Variants in ERLEC1 observed in about 807,000 individuals in gnomAD.
ERLEC1 encodes the protein ER lectin.
Under a neutral mutation model 68.0 loss-of-function variants are expected in ERLEC1, and 47 were observed. That is an observed-to-expected ratio of 0.69 (90% CI 0.55 to 0.88). ERLEC1 has a LOEUF of 0.88. ERLEC1 is among the 40% of genes least tolerant of loss of function. The pLI, the probability that ERLEC1 is intolerant of heterozygous loss-of-function variation, is 0.00. For synonymous variants in ERLEC1, 225 were observed against 203.2 expected (o/e 1.11, Z -0.91); for missense variants, 567 against 583.8 (o/e 0.97, Z 0.30).
At chr2:53,788,837 A>C (rs540567771) in intron 1 of ERLEC1, 2 of 152,280 alleles carry the variant, frequency 1.3e-5, no homozygotes, top group African/African-American at 4.8e-5. Context: ...GAATACTTTA[A>C]TACCTGTTGT....
chr2:53,788,341 T>G (rs781530107), intron 1 of ERLEC1, among the ~76,000 whole-genome samples: 1 of 152,214 alleles, frequency 6.6e-6, no homozygotes, highest in African/African-American at 2.4e-5. Flanking sequence ...TATTACCACA[T>G]AGCTTTCTAT....
intron 1 of ERLEC1, among the ~76,000 whole-genome samples, chr2:53,789,625 C>G (rs188828964): frequency 6.6e-6 from 1 of 152,090 alleles, no homozygotes; most frequent in East Asian, 1.9e-4. Context: ...TGTCACAAGG[C>G]CTATGTCCTT....
chr2:53,796,387 A>G (rs931936645), intron 3 of ERLEC1, among the ~76,000 whole-genome samples: 1 of 151,606 alleles, frequency 6.6e-6, no homozygotes, highest in Non-Finnish European at 1.5e-5. Flanking sequence ...AACATACAGT[A>G]TTTGGTTCTC....
chr2:53,790,225 C>A (rs75194871), intron 1 of ERLEC1, among the ~76,000 whole-genome samples: 1 of 151,136 alleles, frequency 6.6e-6, no homozygotes, highest in African/African-American at 2.4e-5. Context: ...TCCCCAGTAG[C>A]TGGGATTGTA....
At chr2:53,794,194 T>C (rs960272012) in intron 1 of ERLEC1, 151 bp from the exon 2 acceptor site, 3 of 504,180 alleles carry the variant, frequency 6.0e-6, no homozygotes, top group Non-Finnish European at 1.1e-5. Context: ...TTTTTGTTAA[T>C]GTTTGTAGCA....
chr2:53,794,324 T>TAC lies in ERLEC1; in HGVS notation c.163-21_163-20insAC, dbSNP rs150343459. 3.9e-3 allele frequency: 4,321 copies of TAC among 1,113,422 alleles called. 131 individuals carry two copies. The African/African-American group carries it at 0.062, about 16-fold the overall frequency. The allele number at this position is 1,113,422 out of a possible 1,614,324, so 69.0% of individuals were successfully genotyped here. ...ACAATTTCACGGAGAACATAATGTATGTTTTTTCTTCTATTTGCAGCCCAC... is the reference window on the plus strand; with the variant it reads ...ACAATTTCACGGAGAACATAATGTATACGTTTTTTCTTCTATTTGCAGCCCAC... On this transcript the variant is annotated intron_variant, in intron 1 of 13. Coordinates refer to ENST00000185150, the MANE Select transcript of ERLEC1 (RefSeq NM_015701.5).
rs1427935528 is a variant in ERLEC1, at chr2:53,787,196, AAGC to A, written c.-14_-12del. ...AGGAGGTTGTGGCGGTGGCTGGAGA[AAGC>A]GGCGGCGGAGGATGGAGGAAGGAGG... On this transcript the variant is annotated 5_prime_UTR_variant, in exon 1 of 14. Transcript: ENST00000185150. The A allele has an allele frequency of 6.3e-7, 1 of 1,587,770 alleles. No homozygotes were observed.
At chr2:53,791,044 A>C (rs1675366183) in intron 1 of ERLEC1, among the ~76,000 whole-genome samples, 1 of 152,134 alleles carries the variant, frequency 6.6e-6, no homozygotes, top group South Asian at 2.1e-4. Flanking sequence ...TATTTGACCA[A>C]CTCCATGGTT....
chr2:53,794,890 T>C (rs976877316), intron 2 of ERLEC1, among the ~76,000 whole-genome samples: 15 of 152,034 alleles, frequency 9.9e-5, no homozygotes, highest in African/African-American at 3.4e-4. Context: ...CTTGACCTCA[T>C]GATCTGCCCA....
rs760123148 is a variant in ERLEC1, at chr2:53,818,017, A to G, written c.*48A>G. The G allele has an allele frequency of 5.1e-6, 6 of 1,187,484 alleles. No homozygotes were observed. Among genetic ancestry groups the G allele is most frequent in the South Asian group, 1.2e-5 (1 of 82,308 alleles). The allele number at this position is 1,187,484 out of a possible 1,614,324, so 73.6% of individuals were successfully genotyped here. ...GAAAAGATCATTGAAAGTCATGATA[A>G]TTTCTGTCCCACTGTGTCTCATTAT... On this transcript the variant is annotated 3_prime_UTR_variant, in exon 14 of 14. Coordinates refer to ENST00000185150, the MANE Select transcript of ERLEC1 (RefSeq NM_015701.5).
At position 53,787,521 on chromosome 2, in the gene ERLEC1, ATTCATTCGTTCG is replaced by A. The variant is rs1675117354; in HGVS notation, c.162+153_162+164del. 1.0e-5 allele frequency: 9 copies of A among 901,790 alleles called. No individual in the cohort carries two copies. The South Asian group carries it at 1.5e-4, about 15-fold the overall frequency. The allele number at this position is 901,790 out of a possible 1,614,324, so 55.9% of individuals were successfully genotyped here. ...CCAAAGCTGCTTTTATGCAGCGTTC[ATTCATTCGTTCG>A]TTCTCACGTTATGTGGATGCGTCCC... On this transcript the variant is annotated intron_variant, in intron 1 of 13. Transcript: ENST00000185150.
intron 13 of ERLEC1, 50 bp downstream of exon 13, chr2:53,814,985 A>ATTTT (rs747443760): frequency 5.2e-6 from 5 of 967,232 alleles, no homozygotes; most frequent in Admixed American, 5.7e-5. Context: ...CCATGTTTTA[A>ATTTT]TTTTTTTTTC....
At chr2:53,812,393 GC>G (rs1676637964) in intron 10 of ERLEC1, among the ~76,000 whole-genome samples, 3 of 152,144 alleles carry the variant, frequency 2.0e-5, no homozygotes, top group Admixed American at 2.0e-4. Flanking sequence ...AATAATAAAA[GC>G]AGAATGGGAA....
chr2:53,808,317 A>G lies in ERLEC1; in HGVS notation c.898A>G (p.Lys300Glu), dbSNP rs145292763. The part of the protein sequence containing the change: ...RNKEEDLQST[K>E]EERFPAIHKS... ...ATTTTAGGAAGATTTGCAATCAACTAAAGAAGAGAGATTTCCAGCGATCCA... is the reference window on the plus strand; with the variant it reads ...ATTTTAGGAAGATTTGCAATCAACTGAAGAAGAGAGATTTCCAGCGATCCA... Residue 300 changes from lysine to glutamate, a missense_variant, in exon 9 of 14, where the codon AAA becomes GAA. By Grantham distance (56) the Lys-to-Glu change is moderately conservative. Coordinates refer to ENST00000185150, the MANE Select transcript of ERLEC1 (RefSeq NM_015701.5). 5 of 1,613,966 alleles carry G rather than the reference A, an allele frequency of 3.1e-6. No individual in the cohort carries two copies. In the African/African-American group the frequency reaches 5.3e-5, roughly 17 times the overall value.
intron 1 of ERLEC1, 100 bp from the exon 2 acceptor site, chr2:53,794,245 A>C (rs1195026682): frequency 1.9e-6 from 1 of 526,244 alleles, no homozygotes; most frequent in Non-Finnish European, 3.3e-6. Context: ...TTGAAATGTT[A>C]AATTAGTTTA....
intron 10 of ERLEC1, among the ~76,000 whole-genome samples, chr2:53,809,681 C>T (rs562921552): frequency 1.4e-4 from 22 of 152,078 alleles, no homozygotes; most frequent in African/African-American, 4.3e-4. Context: ...GCTCGGGAGG[C>T]GGAGGAGGTT....
At chr2:53,801,955 CCCAA>C in intron 8 of ERLEC1, 113 bp downstream of exon 8, 1 of 822,754 alleles carries the variant, frequency 1.2e-6, no homozygotes, top group Non-Finnish European at 1.9e-6. Flanking sequence ...ATTTTACTGG[CCCAA>C]CCTTTTGAAT....
chr2:53,811,008 A>G (rs1056745374), intron 10 of ERLEC1, among the ~76,000 whole-genome samples: 1 of 152,144 alleles, frequency 6.6e-6, no homozygotes, highest in Non-Finnish European at 1.5e-5. Context: ...AAGTTTAACT[A>G]CTGTTAACAT....
Position 53,801,817 on chromosome 2 carries a change from G to C in ERLEC1, c.854G>C (p.Arg285Thr). ...RQLEQQEEIL[R>T]VPFRRNKEED... is the part of the protein sequence containing the mutation. ...CTGGAGCAGCAGGAAGAAATACTAA[G>C]GGTGCCTTTTAGGAGAAATAAAGAG... The change falls in exon 8 of 14, where the codon AGG becomes ACG. Residue 285 changes from arginine (R) to threonine (T), a missense_variant. Transcript: ENST00000185150. 1 of 1,613,806 alleles carries C rather than the reference G, an allele frequency of 6.2e-7. No homozygotes were observed. The highest frequency in any genetic ancestry group is 8.5e-7 in the Non-Finnish European group (1 of 1,179,828).
Sources: gnomAD v4.1 joint callset for allele counts (sites outside exome capture counted in the v4.1 genomes callset) on GRCh38, gnomAD v4.1.1 for gene constraint, MANE v1.5 for transcripts, NCBI Gene and HGNC (gene_info 2026-07-23, HGNC 2026-07-21) for gene names.